Variants in RGS6 observed in about 807,000 individuals in gnomAD.
RGS6 encodes regulator of G protein signaling 6, also known as regulator of G-protein signaling 6.
Under a neutral mutation model 78.5 loss-of-function variants are expected in RGS6, and 30 were observed. That is an observed-to-expected ratio of 0.38 (90% CI 0.29 to 0.52). The LOEUF is 0.52. RGS6 is among the 20% of genes least tolerant of loss of function. The probability of loss-of-function intolerance (pLI) is 0.85; values close to 1 mark genes in which losing one functional copy is unlikely to be tolerated. For synonymous variants in RGS6, 206 were observed against 206.0 expected (o/e 1.00, Z 0.00); for missense variants, 495 against 609.7 (o/e 0.81, Z 1.98).
intron 2 of RGS6, among the ~76,000 whole-genome samples, chr14:72,005,427 A>T (rs1038320314): frequency 5.1e-5 from 7 of 138,184 alleles, no homozygotes; most frequent in Non-Finnish European, 9.7e-5. Context: ...CCAAGATTAC[A>T]CACCTGCATA....
At chr14:72,469,032 G>T (rs1325553288) in intron 7 of RGS6, among the ~76,000 whole-genome samples, 2 of 152,010 alleles carry the variant, frequency 1.3e-5, no homozygotes, top group East Asian at 1.9e-4. Flanking sequence ...AGGATCATTA[G>T]GGCGCCTGTC....
chr14:72,332,040 A>G (rs1404075015), intron 2 of RGS6, among the ~76,000 whole-genome samples: 1 of 152,158 alleles, frequency 6.6e-6, no homozygotes, highest in Non-Finnish European at 1.5e-5. Flanking sequence ...TGGCCTGTGA[A>G]TTATTTAACC....
At chr14:72,268,225 G>T (rs2059376236) in intron 2 of RGS6, among the ~76,000 whole-genome samples, 1 of 152,164 alleles carries the variant, frequency 6.6e-6, no homozygotes, top group Non-Finnish European at 1.5e-5. Flanking sequence ...GAGCATGGCG[G>T]GTCCCTCATG....
chr14:71,998,742 C>A (rs1329996951), intron 2 of RGS6, among the ~76,000 whole-genome samples: 1 of 152,168 alleles, frequency 6.6e-6, no homozygotes, highest in Non-Finnish European at 1.5e-5. Context: ...TGGAAGATAT[C>A]TTTATACCAC....
chr14:71,874,050 T>C, the RGS6 span, among the ~76,000 whole-genome samples: 19 of 152,342 alleles, frequency 1.2e-4, no homozygotes, highest in South Asian at 2.3e-3. Context: ...TGTAGCCTTG[T>C]AGTATAGTTT....
At chr14:72,125,994 AT>A (rs1378215644) in intron 2 of RGS6, among the ~76,000 whole-genome samples, 1 of 152,192 alleles carries the variant, frequency 6.6e-6, no homozygotes, top group Admixed American at 6.5e-5. Context: ...TTTTAGGTAT[AT>A]AGGTTTTAAG....
intron 2 of RGS6, among the ~76,000 whole-genome samples, chr14:72,135,686 G>A (rs1441612499): frequency 2.0e-5 from 3 of 151,934 alleles, no homozygotes; most frequent in African/African-American, 4.8e-5. Flanking sequence ...TGGGTGGACT[G>A]GTGGGTGACT....
chr14:72,150,162 A>G (rs532651477), intron 2 of RGS6, among the ~76,000 whole-genome samples: 156 of 152,288 alleles, frequency 1.0e-3, no homozygotes, highest in African/African-American at 3.5e-3. Flanking sequence ...CCTGAATCCA[A>G]TTATTGTTGT....
intron 2 of RGS6, among the ~76,000 whole-genome samples, chr14:72,179,609 T>C (rs1223144179): frequency 6.6e-6 from 1 of 152,138 alleles, no homozygotes; most frequent in Non-Finnish European, 1.5e-5. Flanking sequence ...TTGCATTGAT[T>C]CCTGCCAACA....
intron 2 of RGS6, among the ~76,000 whole-genome samples, chr14:72,324,075 T>TAAAATTACA (rs1389008181): frequency 6.6e-6 from 1 of 152,086 alleles, no homozygotes; most frequent in Non-Finnish European, 1.5e-5. Flanking sequence ...TTCTAAAATG[T>TAAAATTACA]ATTACAAATT....
chr14:72,194,033 G>A (rs1383526484), intron 2 of RGS6, among the ~76,000 whole-genome samples: 2 of 152,172 alleles, frequency 1.3e-5, no homozygotes, highest in Admixed American at 6.5e-5. Flanking sequence ...GAGTTGAGGG[G>A]CTAGTCAGGA....
At chr14:71,975,413 T>C (rs527556114) in intron 2 of RGS6, among the ~76,000 whole-genome samples, 2 of 152,270 alleles carry the variant, frequency 1.3e-5, no homozygotes, top group South Asian at 4.1e-4. Flanking sequence ...CTTTTTAATT[T>C]ATTCTCCTTA....
the RGS6 span, among the ~76,000 whole-genome samples, chr14:71,925,992 C>T: frequency 6.6e-6 from 1 of 151,968 alleles, no homozygotes; most frequent in African/African-American, 2.4e-5. Context: ...AACTATAAAG[C>T]ATTGATAAAA....
intron 2 of RGS6, among the ~76,000 whole-genome samples, chr14:72,061,110 A>G (rs1313240707): frequency 1.3e-5 from 2 of 152,208 alleles, no homozygotes; most frequent in African/African-American, 2.4e-5. Flanking sequence ...GGCTAATGAA[A>G]TGTGAGCAAA....
chr14:72,115,545 G>A (rs541224459), intron 2 of RGS6, among the ~76,000 whole-genome samples: 3 of 152,274 alleles, frequency 2.0e-5, no homozygotes, highest in South Asian at 4.1e-4. Flanking sequence ...GGAGTCAGAG[G>A]AGGTGAGGGA....
At chr14:71,957,233 C>T (rs1369454602) in intron 1 of RGS6, among the ~76,000 whole-genome samples, 2 of 152,066 alleles carry the variant, frequency 1.3e-5, no homozygotes, top group Non-Finnish European at 2.9e-5. Flanking sequence ...CTGGAGTCTT[C>T]AGGGAATGAG....
chr14:71,907,402 C>T, the RGS6 span, among the ~76,000 whole-genome samples: 1 of 152,030 alleles, frequency 6.6e-6, no homozygotes, highest in African/African-American at 2.4e-5. Context: ...TGAGCTGAGG[C>T]CCTGTGGGGC....
At chr14:72,260,708 C>A (rs10134489) in intron 2 of RGS6, among the ~76,000 whole-genome samples, 1 of 151,976 alleles carries the variant, frequency 6.6e-6, no homozygotes, top group Non-Finnish European at 1.5e-5. Flanking sequence ...TGGATGCCTG[C>A]GGAGCTCTCT....
At chr14:72,286,179 G>T (rs1036987021) in intron 2 of RGS6, among the ~76,000 whole-genome samples, 5 of 152,116 alleles carry the variant, frequency 3.3e-5, no homozygotes, top group Non-Finnish European at 5.9e-5. Flanking sequence ...ACTTTGAGTT[G>T]ATTTTTATAT....
Sources: allele counts gnomAD v4.1 joint callset (sites outside exome capture counted in the v4.1 genomes callset), GRCh38; gene constraint gnomAD v4.1.1; transcripts MANE v1.5; gene names NCBI Gene and HGNC (gene_info 2026-07-23, HGNC 2026-07-21).